The following POU6F2 variants were observed in gnomAD, a reference collection of about 807,000 sequenced individuals.
The protein encoded by POU6F2 is POU class 6 homeobox 2.
Under a neutral mutation model 71.3 loss-of-function variants are expected in POU6F2, and 31 were observed. That is an observed-to-expected ratio of 0.43 (90% CI 0.33 to 0.59). The LOEUF (loss-of-function observed/expected upper bound fraction) is 0.59, where lower values mean the gene tolerates loss of function less well. Among genes scored for constraint, POU6F2 ranks in the 20% least tolerant of loss-of-function variants. The pLI is 0.04. For synonymous variants in POU6F2, 347 were observed against 355.7 expected (o/e 0.98, Z 0.27); for missense variants, 783 against 856.8 (o/e 0.91, Z 1.07).
chr7:39,408,088 C>T (rs957086842), intron 6 of POU6F2, among the ~76,000 whole-genome samples: 7 of 152,110 alleles, frequency 4.6e-5, no homozygotes, highest in South Asian at 2.1e-4. Context: ...TCTGGAGGGA[C>T]GGGGTATTGG....
chr7:39,081,616 G>C (rs1028943119), intron 1 of POU6F2, among the ~76,000 whole-genome samples: 7 of 152,206 alleles, frequency 4.6e-5, no homozygotes, highest in Admixed American at 3.3e-4. Context: ...ATGCAAGCCT[G>C]GGTATTGAAC....
intron 4 of POU6F2, among the ~76,000 whole-genome samples, chr7:39,282,895 A>C (rs775066764): frequency 1.2e-4 from 19 of 152,160 alleles, no homozygotes; most frequent in Non-Finnish European, 2.1e-4. Flanking sequence ...AATAATAATA[A>C]TTCTTTCAGC....
Position 39,125,510 on chromosome 7 carries a change from C to A in POU6F2, c.277+39479C>A, listed in dbSNP as rs375906154. Among the ~76,000 whole-genome samples the A allele has an allele frequency of 3.9e-5, 6 of 152,070 alleles. No homozygotes were observed. In the East Asian group the frequency reaches 1.2e-3, roughly 29 times the overall value. ...AAACTCCAAGATTGAAGCATATATT[C>A]TCAGAGTTTCTGTTAAAAAATATAT... is the stretch of plus-strand genomic sequence containing the variant. On this transcript the variant is annotated intron_variant, in intron 2 of 9. Coordinates refer to ENST00000518318, the MANE Select transcript of POU6F2 (RefSeq NM_001370959.1).
chr7:39,195,595 T>A (rs1380148165), intron 2 of POU6F2, among the ~76,000 whole-genome samples: 1 of 151,542 alleles, frequency 6.6e-6, no homozygotes, highest in African/African-American at 2.4e-5. Flanking sequence ...TCAGTCCCCA[T>A]CTCCTCTTTA....
chr7:39,131,571 C>A (rs1158603297), intron 2 of POU6F2, among the ~76,000 whole-genome samples: 1 of 152,066 alleles, frequency 6.6e-6, no homozygotes, highest in Non-Finnish European at 1.5e-5. Context: ...GAGAAAAGAC[C>A]CTAAATCTAC....
At chr7:39,194,470 G>A (rs773928578) in intron 2 of POU6F2, among the ~76,000 whole-genome samples, 7 of 152,158 alleles carry the variant, frequency 4.6e-5, no homozygotes, top group African/African-American at 9.7e-5. Flanking sequence ...ACCAATCAGC[G>A]CTCTGTATCT....
intron 2 of POU6F2, among the ~76,000 whole-genome samples, chr7:39,117,827 C>T (rs968550810): frequency 3.9e-5 from 6 of 152,166 alleles, no homozygotes; most frequent in Admixed American, 2.0e-4. Flanking sequence ...CCCCACCTAT[C>T]GGAGACATGA....
chr7:39,190,305 G>C (rs939019956), intron 2 of POU6F2, among the ~76,000 whole-genome samples: 1 of 149,594 alleles, frequency 6.7e-6, no homozygotes, highest in African/African-American at 2.5e-5. Flanking sequence ...TGATAGACTT[G>C]CATATAATAC....
At chr7:38,981,685 A>G (rs1788320086) in intron 1 of POU6F2, among the ~76,000 whole-genome samples, 1 of 152,208 alleles carries the variant, frequency 6.6e-6, no homozygotes, top group Non-Finnish European at 1.5e-5. Flanking sequence ...CACATTCTAT[A>G]TTTTAATAGC....
chr7:39,044,727 A>T (rs1790254628), intron 1 of POU6F2, among the ~76,000 whole-genome samples: 1 of 152,008 alleles, frequency 6.6e-6, no homozygotes, highest in Non-Finnish European at 1.5e-5. Context: ...AGAGCCCATG[A>T]ATAAGTTGAT....
chr7:39,286,014 GGA>G (rs1784643422), intron 4 of POU6F2, among the ~76,000 whole-genome samples: 1 of 152,220 alleles, frequency 6.6e-6, no homozygotes, highest in East Asian at 1.9e-4. Context: ...AGGGTGAATA[GGA>G]GTCCATGAGC....
chr7:39,397,479 C>G (rs201732504), intron 5 of POU6F2, among the ~76,000 whole-genome samples: 9,935 of 142,374 alleles, frequency 0.07, 370 homozygotes, highest in Non-Finnish European at 0.077. Context: ...TAGAGAGAGA[C>G]ATATATATAT....
intron 6 of POU6F2, among the ~76,000 whole-genome samples, chr7:39,407,340 T>A (rs1461051674): frequency 6.6e-6 from 1 of 151,682 alleles, no homozygotes; most frequent in Non-Finnish European, 1.5e-5. Flanking sequence ...GCATGCTTGT[T>A]GATTTACTTC....
chr7:39,351,890 CTCT>C (rs1786146049), intron 5 of POU6F2, among the ~76,000 whole-genome samples: 1 of 152,162 alleles, frequency 6.6e-6, no homozygotes, highest in Non-Finnish European at 1.5e-5. Flanking sequence ...GCAAATCTGC[CTCT>C]TGTTAGTCTT....
At chr7:39,200,940 T>C (rs990133295) in intron 2 of POU6F2, among the ~76,000 whole-genome samples, 1 of 151,894 alleles carries the variant, frequency 6.6e-6, no homozygotes, top group Non-Finnish European at 1.5e-5. Flanking sequence ...AGCAGGAGGA[T>C]TGCTTGAGCC....
chr7:39,055,861 G>A (rs1376574675), intron 1 of POU6F2, among the ~76,000 whole-genome samples: 2 of 151,880 alleles, frequency 1.3e-5, no homozygotes, highest in African/African-American at 2.4e-5. Flanking sequence ...TTTCTGGGAT[G>A]GGGTGAGGCT....
At chr7:39,195,074 G>C (rs1038137884) in intron 2 of POU6F2, among the ~76,000 whole-genome samples, 1 of 152,196 alleles carries the variant, frequency 6.6e-6, no homozygotes, top group Admixed American at 6.5e-5. Context: ...ACCAATTCTG[G>C]ACACAGTAGC....
chr7:39,430,259 G>A (rs73388304), intron 6 of POU6F2, among the ~76,000 whole-genome samples: 3,708 of 152,222 alleles, frequency 0.024, 147 homozygotes, highest in African/African-American at 0.085. Flanking sequence ...CCTGAAAGGG[G>A]AACAAAAATA....
intron 5 of POU6F2, among the ~76,000 whole-genome samples, chr7:39,343,277 A>G (rs1166100725): frequency 6.6e-6 from 1 of 152,210 alleles, no homozygotes; most frequent in Non-Finnish European, 1.5e-5. Flanking sequence ...AGAGCAGTCC[A>G]TACTCCTTAT....
Sources: gnomAD v4.1 joint callset for allele counts (sites outside exome capture counted in the v4.1 genomes callset) on GRCh38, gnomAD v4.1.1 for gene constraint, MANE v1.5 for transcripts, NCBI Gene and HGNC (gene_info 2026-07-23, HGNC 2026-07-21) for gene names.